NCOR1: variants seen among roughly 807,000 people sequenced by gnomAD.
The protein encoded by NCOR1 is protein phosphatase 1, regulatory subunit 109.
A neutral mutation model predicts 288.1 loss-of-function variants in NCOR1; 63 were observed. The observed-to-expected ratio is 0.22, with a 90% confidence interval of 0.18 to 0.27. The LOEUF (loss-of-function observed/expected upper bound fraction) is 0.27, where lower values mean the gene tolerates loss of function less well. Among genes scored for constraint, NCOR1 ranks in the 10% least tolerant of loss-of-function variants. NCOR1 has a pLI of 1.00. For missense variants in NCOR1, 2,397 were observed against 3,019.2 expected (o/e 0.79, Z 4.83); for synonymous variants, 1,007 against 1,065.9 (o/e 0.94, Z 1.08).
intron 22 of NCOR1, among the ~76,000 whole-genome samples, chr17:16,089,438 C>T (rs925210841): frequency 1.3e-5 from 2 of 152,074 alleles, no homozygotes; most frequent in Admixed American, 1.3e-4. Flanking sequence ...GAAAACAATT[C>T]TCTAAGGTTT....
intron 6 of NCOR1, among the ~76,000 whole-genome samples, chr17:16,155,392 C>CA (rs1483137225): frequency 0.038 from 5,771 of 149,898 alleles, 183 homozygotes; most frequent in African/African-American, 0.073. Context: ...CACACACACA[C>CA]CCACAAAGAT....
chr17:16,049,721 A>AATT, intron 40 of NCOR1, among the ~76,000 whole-genome samples: 1 of 151,592 alleles, frequency 6.6e-6, no homozygotes, highest in East Asian at 2.0e-4. Flanking sequence ...CTGGAATTGG[A>AATT]ATTATAGGCA....
chr17:16,117,532 A>AAC (rs1555672758), intron 18 of NCOR1, among the ~76,000 whole-genome samples: 5 of 151,540 alleles, frequency 3.3e-5, no homozygotes, highest in African/African-American at 9.7e-5. Context: ...AAAAAAAAAA[A>AAC]AACATCAAGG....
rs2067472241 is a variant in NCOR1, at chr17:16,100,744, TTATCATTA to T, written c.2690+498_2690+505del. Among the ~76,000 whole-genome samples the T allele has an allele frequency of 3.9e-5, 6 of 152,394 alleles. No individual in the cohort carries two copies. The South Asian group carries it at 1.2e-3, about 32-fold the overall frequency. ...AACTGATACAAAAAAGTGGTCATAA[TTATCATTA>T]CTTTGCATTTAAATTATGCTTTCTA... is the stretch of plus-strand genomic sequence containing the variant. On this transcript the variant is annotated intron_variant, in intron 20 of 45. Coordinates refer to ENST00000268712, the MANE Select transcript of NCOR1 (RefSeq NM_006311.4).
chr17:16,051,915 A>T (rs2059361269), intron 40 of NCOR1, among the ~76,000 whole-genome samples: 1 of 150,164 alleles, frequency 6.7e-6, no homozygotes, highest in Non-Finnish European at 1.5e-5. Flanking sequence ...CCTTCTCAAA[A>T]AATAAATAAA....
At chr17:16,146,782 G>A (rs1252728870) in intron 9 of NCOR1, among the ~76,000 whole-genome samples, 1 of 152,100 alleles carries the variant, frequency 6.6e-6, no homozygotes, top group African/African-American at 2.4e-5. Flanking sequence ...TTAAGACTAT[G>A]CATATTTATA....
At chr17:16,070,657 C>A in intron 30 of NCOR1, 132 bp from the exon 31 acceptor site, 1 of 1,169,972 alleles carries the variant, frequency 8.5e-7, no homozygotes, top group South Asian at 1.5e-5. Context: ...AAATCTCAAT[C>A]ACAACCCCAC....
At chr17:16,138,579 C>T (rs112501167) in intron 12 of NCOR1, among the ~76,000 whole-genome samples, 3 of 152,178 alleles carry the variant, frequency 2.0e-5, no homozygotes, top group East Asian at 1.9e-4. Flanking sequence ...AGCGAGACTC[C>T]GTCTCAAAAA....
In NCOR1 at chr17:16,183,767, A is replaced by T. The variant is rs762866735; in HGVS notation, c.242+2787T>A. On this transcript the variant is annotated intron_variant, in intron 3 of 45. Transcript: ENST00000268712. The stretch of plus-strand genomic sequence containing the variant: ...TAAAATTCACATGGAAGTATAAAAG[A>T]CCCCCAATAGCAAAATCAATTCTGA... Among the ~76,000 whole-genome samples, 25 of 152,090 alleles carry T rather than the reference A, an allele frequency of 1.6e-4. 1 individual carries two copies. Among genetic ancestry groups the T allele is most frequent in the Non-Finnish European group, 3.5e-4 (24 of 68,012 alleles).
Position 16,145,861 on chromosome 17 carries a change from GA to G in NCOR1, c.1082+514del, listed in dbSNP as rs1327358541. Among the ~76,000 whole-genome samples, 7 of 152,354 alleles carry G rather than the reference GA, an allele frequency of 4.6e-5. No homozygotes were observed. In the East Asian group the frequency reaches 1.3e-3, roughly 29 times the overall value. ...CGGTTTTGTCGACTAGAGAGGGGGGGAAATGTGGCGAGAGTAGAGGGAGATC... is the reference window on the plus strand; with the variant it reads ...CGGTTTTGTCGACTAGAGAGGGGGGGAATGTGGCGAGAGTAGAGGGAGATC... On this transcript the variant is annotated intron_variant, in intron 10 of 45. Transcript: ENST00000268712.
intron 37 of NCOR1, among the ~76,000 whole-genome samples, chr17:16,059,015 C>T (rs963893673): frequency 3.7e-5 from 5 of 136,108 alleles, no homozygotes; most frequent in Admixed American, 2.4e-4. Flanking sequence ...TGTCATTGCA[C>T]TCCATTCTGG....
chr17:16,176,864 T>C (rs2084308277), intron 3 of NCOR1, among the ~76,000 whole-genome samples: 1 of 152,030 alleles, frequency 6.6e-6, no homozygotes, highest in South Asian at 2.1e-4. Context: ...GATCATTCTT[T>C]CTGTATAAAT....
Position 16,057,666 on chromosome 17 carries a change from T to C in NCOR1, c.6240A>G (p.Thr2080=), listed in dbSNP as rs749499026. The C allele has an allele frequency of 1.9e-6, 3 of 1,613,544 alleles. No homozygotes were observed. Among genetic ancestry groups the C allele is most frequent in the East Asian group, 2.2e-5 (1 of 44,862 alleles). ...CCAAAGCAGAAGGTGAGTTCTGGAA[T>C]GTAGAAGTAGGAGGCTGCTGGGGAG... ...SQTPQQPPTS[T]FQNSPSALVS... is the part of the protein sequence containing the mutation. The change falls in exon 40 of 46, where the codon ACA becomes ACG. Residue 2080 remains threonine (T), a synonymous_variant. Transcript: ENST00000268712.
At chr17:16,160,765 C>A (rs974678460) in intron 5 of NCOR1, among the ~76,000 whole-genome samples, 1 of 152,100 alleles carries the variant, frequency 6.6e-6, no homozygotes, top group Admixed American at 6.6e-5. Context: ...GCACTCCAGC[C>A]TGGGCGACAG....
chr17:16,169,363 A>G (rs1030197066), intron 4 of NCOR1, among the ~76,000 whole-genome samples: 2 of 152,248 alleles, frequency 1.3e-5, no homozygotes, highest in African/African-American at 2.4e-5. Flanking sequence ...GAAAATGTTA[A>G]TAACTTTTAA....
intron 2 of NCOR1, among the ~76,000 whole-genome samples, chr17:16,188,836 C>G (rs1196737558): frequency 6.6e-6 from 1 of 151,758 alleles, no homozygotes; most frequent in African/African-American, 2.4e-5. Flanking sequence ...ACCAGCCTGG[C>G]CAACATGGTG....
chr17:16,206,322 CTTTG>C (rs916982280), intron 1 of NCOR1, among the ~76,000 whole-genome samples: 15 of 145,974 alleles, frequency 1.0e-4, no homozygotes, highest in African/African-American at 3.6e-4. Context: ...TTGTTTACAG[CTTTG>C]TTTTTCTGGC....
chr17:16,169,060 A>T (rs2082612260), intron 4 of NCOR1, among the ~76,000 whole-genome samples: 1 of 152,238 alleles, frequency 6.6e-6, no homozygotes, highest in African/African-American at 2.4e-5. Context: ...TTATTTAATC[A>T]ATGAACTTTA....
At chr17:16,079,597 A>G (rs1161382742) in intron 26 of NCOR1, among the ~76,000 whole-genome samples, 1 of 152,176 alleles carries the variant, frequency 6.6e-6, no homozygotes, top group Non-Finnish European at 1.5e-5. Context: ...CTACAACTAC[A>G]TCTCCACCAG....
Sources: allele counts gnomAD v4.1 joint callset (sites outside exome capture counted in the v4.1 genomes callset), GRCh38; gene constraint gnomAD v4.1.1; transcripts MANE v1.5; gene names NCBI Gene and HGNC (gene_info 2026-07-23, HGNC 2026-07-21).